Variants in ALK observed in about 807,000 individuals in gnomAD.
ALK encodes ALK tyrosine kinase receptor.
ALK carries 74 observed loss-of-function variants against 163.1 expected under a neutral mutation model. The observed-to-expected ratio is 0.45, with a 90% CI of 0.38 to 0.55. The LOEUF is 0.55. ALK is among the 20% of genes least tolerant of loss of function. The pLI, the probability that ALK is intolerant of heterozygous loss-of-function variation, is 0.00. For missense variants in ALK, 2,063 were observed against 2,105.3 expected (o/e 0.98, Z 0.39); for synonymous variants, 960 against 843.2 (o/e 1.14, Z -2.40).
At chr2:29,695,754 A>G (rs1573562503) in intron 2 of ALK, among the ~76,000 whole-genome samples, 2 of 152,198 alleles carry the variant, frequency 1.3e-5, no homozygotes, top group African/African-American at 4.8e-5. Context: ...GCCAACAAAC[A>G]TATGAAAAAA....
At chr2:29,783,525 T>A (rs531887430) in intron 1 of ALK, among the ~76,000 whole-genome samples, 1 of 152,198 alleles carries the variant, frequency 6.6e-6, no homozygotes, top group South Asian at 2.1e-4. Flanking sequence ...CAACTGCCCA[T>A]TCATGATGTA....
chr2:29,636,956 T>G (rs1215487536), intron 3 of ALK, among the ~76,000 whole-genome samples: 1 of 152,170 alleles, frequency 6.6e-6, no homozygotes, highest in Admixed American at 6.5e-5. Context: ...TGATAAGGAT[T>G]CAGAGAAACT....
intron 1 of ALK, among the ~76,000 whole-genome samples, chr2:29,772,239 G>T (rs1053819837): frequency 1.3e-5 from 2 of 152,094 alleles, no homozygotes; most frequent in Admixed American, 1.3e-4. Context: ...AGGAAACTAA[G>T]CTAATATAAA....
chr2:29,584,285 C>A (rs1269624132), intron 3 of ALK, among the ~76,000 whole-genome samples: 1 of 152,152 alleles, frequency 6.6e-6, no homozygotes, highest in Admixed American at 6.5e-5. Context: ...AACGATGTTC[C>A]CCTAATTTTA....
intron 3 of ALK, among the ~76,000 whole-genome samples, chr2:29,649,850 C>T (rs1236010999): frequency 1.3e-5 from 2 of 152,286 alleles, no homozygotes; most frequent in Middle Eastern, 3.4e-3. Flanking sequence ...CCCCCCATGG[C>T]CTGCTTTCCT....
At chr2:29,397,721 C>A (rs1156604148) in intron 4 of ALK, among the ~76,000 whole-genome samples, 1 of 152,202 alleles carries the variant, frequency 6.6e-6, no homozygotes, top group African/African-American at 2.4e-5. Context: ...CATTTTTCTA[C>A]ACGTTTACCT....
At chr2:29,766,716 G>T (rs1382628236) in intron 1 of ALK, among the ~76,000 whole-genome samples, 2 of 152,220 alleles carry the variant, frequency 1.3e-5, no homozygotes, top group African/African-American at 4.8e-5. Flanking sequence ...CTGGAGCAAA[G>T]CTGAAGCTTA....
At chr2:29,436,792 G>A (rs1670411260) in intron 4 of ALK, among the ~76,000 whole-genome samples, 1 of 152,166 alleles carries the variant, frequency 6.6e-6, no homozygotes, top group South Asian at 2.1e-4. Context: ...TTAGCCACCA[G>A]AGATAAATGG....
At position 29,827,902 on chromosome 2, in the gene ALK, T is replaced by C. The variant is rs560225701; in HGVS notation, c.667+92091A>G. Among the ~76,000 whole-genome samples, 48 of 152,240 alleles carry C rather than the reference T, an allele frequency of 3.2e-4. 1 individual carries two copies. The highest frequency in any genetic ancestry group is 1.1e-3 in the African/African-American group (45 of 41,562). ...GAAGAAAGCTGGAGGCATCACGCTA[T>C]CTGACTTCAAACTATACTACAAGGC... On this transcript the variant is annotated intron_variant, in intron 1 of 28. Coordinates refer to ENST00000389048, the MANE Select transcript of ALK (RefSeq NM_004304.5).
intron 1 of ALK, among the ~76,000 whole-genome samples, chr2:29,891,768 G>C (rs552714011): frequency 6.6e-6 from 1 of 152,320 alleles, no homozygotes; most frequent in South Asian, 2.1e-4. Context: ...CCTAGGAGCT[G>C]AAGGGGCTGA....
intron 5 of ALK, among the ~76,000 whole-genome samples, chr2:29,366,079 T>C (rs1668498974): frequency 1.3e-5 from 2 of 152,206 alleles, no homozygotes; most frequent in South Asian, 4.1e-4. Context: ...CAGTAAGATA[T>C]GGACTATTTG....
intron 3 of ALK, among the ~76,000 whole-genome samples, chr2:29,661,427 T>C (rs1677342898): frequency 6.6e-6 from 1 of 152,198 alleles, no homozygotes; most frequent in South Asian, 2.1e-4. Flanking sequence ...GCTCATTGCA[T>C]TTTCATTGAA....
intron 11 of ALK, among the ~76,000 whole-genome samples, chr2:29,266,688 T>C (rs540651570): frequency 1.3e-4 from 20 of 152,328 alleles, no homozygotes; most frequent in African/African-American, 3.4e-4. Context: ...TGAAGTTGCA[T>C]GGCCAGAACC....
In ALK at chr2:29,193,094, T is replaced by A. The variant is rs1219898346; in HGVS notation, c.*130A>T. ...CATTTTCAAAATACAGCTTTTTTGG[T>A]GGTACTTCAAAATAGGTTGGCACAA... On this transcript the variant is annotated 3_prime_UTR_variant, in exon 29 of 29. Coordinates refer to ENST00000389048, the MANE Select transcript of ALK (RefSeq NM_004304.5). 2 of 988,880 alleles carry A rather than the reference T, an allele frequency of 2.0e-6. No individual in the cohort carries two copies. The highest frequency in any genetic ancestry group is 3.2e-5 in the African/African-American group (2 of 61,750). The allele number at this position is 988,880 out of a possible 1,614,324, so 61.3% of individuals were successfully genotyped here. A position where few individuals can be genotyped will look rare whatever the true frequency, so the allele number is the denominator to read the frequency against.
intron 1 of ALK, among the ~76,000 whole-genome samples, chr2:29,846,205 C>T (rs1012507351): frequency 3.9e-5 from 6 of 152,204 alleles, no homozygotes; most frequent in Admixed American, 1.3e-4. Context: ...GAACACACCA[C>T]GCTGGTTCTA....
intron 2 of ALK, among the ~76,000 whole-genome samples, chr2:29,710,392 C>G (rs532289885): frequency 6.6e-6 from 1 of 152,228 alleles, no homozygotes; most frequent in African/African-American, 2.4e-5. Context: ...ATTTCTTCAT[C>G]TCTCTGTTTC....
At chr2:29,407,825 T>C (rs1201043273) in intron 4 of ALK, among the ~76,000 whole-genome samples, 1 of 152,220 alleles carries the variant, frequency 6.6e-6, no homozygotes, top group African/African-American at 2.4e-5. Flanking sequence ...CATGATGGCC[T>C]AGCTGCTCAT....
At chr2:29,848,232 A>G (rs1346621068) in intron 1 of ALK, among the ~76,000 whole-genome samples, 2 of 152,098 alleles carry the variant, frequency 1.3e-5, no homozygotes, top group Non-Finnish European at 2.9e-5. Flanking sequence ...TCAGTGCGAA[A>G]GGCAAAAATT....
At chr2:29,792,737 A>C (rs987918789) in intron 1 of ALK, among the ~76,000 whole-genome samples, 1 of 151,900 alleles carries the variant, frequency 6.6e-6, no homozygotes, top group Non-Finnish European at 1.5e-5. Flanking sequence ...GTTTTGGTGC[A>C]TATAAAAGTT....
Sources: gnomAD v4.1 joint callset for allele counts (sites outside exome capture counted in the v4.1 genomes callset) on GRCh38, gnomAD v4.1.1 for gene constraint, MANE v1.5 for transcripts, NCBI Gene and HGNC (gene_info 2026-07-23, HGNC 2026-07-21) for gene names.